Variants in GSTA5 observed in about 807,000 individuals in gnomAD.
The protein encoded by GSTA5 is glutathione S-transferase A5.
In GSTA5, 25 loss-of-function variants were observed where a neutral mutation model predicts 21.8. The observed-to-expected ratio is 1.14, with a 90% confidence interval of 0.83 to 1.60. The LOEUF is 1.60. Ranked by LOEUF, GSTA5 falls within the 40% of genes most tolerant of loss-of-function variation. The pLI is 0.00. For synonymous variants in GSTA5, 102 were observed against 89.5 expected, an observed-to-expected ratio of 1.14 and a Z score of -0.78; for missense variants, 330 against 259.2, an observed-to-expected ratio of 1.27 and a Z score of -1.88.
rs143932805 is a variant in GSTA5 at position 52,840,499 on chromosome 6, T to C, written c.87+228A>G. On this transcript the variant is annotated intron_variant, in intron 1 of 5. Transcript: ENST00000370989. ...TGTTTAAATTCTAATCCACTTAAGTTCTACACTTTTTGATTAGTTTCTTAA... is the reference window on the plus strand; with the variant it reads ...TGTTTAAATTCTAATCCACTTAAGTCCTACACTTTTTGATTAGTTTCTTAA... Among the ~76,000 whole-genome samples the C allele has an allele frequency of 4.4e-3, 675 of 152,366 alleles. 2 individuals are homozygous for C. The highest frequency in any genetic ancestry group is 0.014 in the Middle Eastern group (4 of 294).
At chr6:52,841,690 G>A (rs911955100), upstream of GSTA5, among the ~76,000 whole-genome samples, 2 of 152,166 alleles carry the variant, frequency 1.3e-5, no homozygotes, top group Non-Finnish European at 2.9e-5. Flanking sequence ...TCATACACTG[G>A]CCATTCTTCT....
chr6:52,838,770 C>T (rs1221866935), intron 1 of GSTA5, among the ~76,000 whole-genome samples: 1 of 152,162 alleles, frequency 6.6e-6, no homozygotes, highest in Admixed American at 6.5e-5. Context: ...TTGACTCTGC[C>T]TCAAAATAGC....
At chr6:52,834,506 G>T (rs985659049) in intron 3 of GSTA5, among the ~76,000 whole-genome samples, 4 of 152,026 alleles carry the variant, frequency 2.6e-5, no homozygotes, top group African/African-American at 9.7e-5. Flanking sequence ...AACCTATCAA[G>T]GTAGATAGAT....
intron 3 of GSTA5, among the ~76,000 whole-genome samples, chr6:52,834,932 A>G (rs1453099727): frequency 1.3e-5 from 2 of 152,276 alleles, no homozygotes; most frequent in Non-Finnish European, 2.9e-5. Flanking sequence ...TCTCTATACA[A>G]TTACAACCAG....
chr6:52,834,239 T>A (rs777933491), exon 4 of GSTA5: 2 of 1,613,938 alleles, frequency 1.2e-6, no homozygotes, highest in African/African-American at 1.3e-5. Context: ...AGAAGAAGGA[T>A]CATTTCAGTC....
intron 3 of GSTA5, among the ~76,000 whole-genome samples, chr6:52,835,037 C>T (rs977254112): frequency 6.6e-6 from 1 of 152,196 alleles, no homozygotes; most frequent in Non-Finnish European, 1.5e-5. Flanking sequence ...GTAATTGCAA[C>T]CTGTTAAATT....
At chr6:52,840,272 C>G (rs2127325134) in intron 1 of GSTA5, among the ~76,000 whole-genome samples, 1 of 152,274 alleles carries the variant, frequency 6.6e-6, no homozygotes, top group South Asian at 2.1e-4. Flanking sequence ...CCTACTTCTC[C>G]TTTTGTAATA....
In GSTA5 at chr6:52,832,012, G is replaced by A. The variant is rs139942301; in HGVS notation, c.547-42C>T. ...ACAGCCTCAGAGTGAAGCCAAGGCC[G>A]GCCACCATCATTAAGATGACCCAGG... is the stretch of plus-strand genomic sequence containing the variant. On this transcript the variant is annotated intron_variant, in intron 5 of 5. Transcript: ENST00000370989. The A allele has an allele frequency of 2.0e-3, 3,131 of 1,580,270 alleles. 48 individuals carry two copies. In the African/African-American group the frequency reaches 0.037, roughly 18 times the overall value.
chr6:52,841,373 G>A (rs1764375741), upstream of GSTA5, among the ~76,000 whole-genome samples: 1 of 152,198 alleles, frequency 6.6e-6, no homozygotes, highest in Non-Finnish European at 1.5e-5. Context: ...AAGGCCCTGG[G>A]AACCCATGAA....
At chr6:52,837,100 C>T (rs1764303572) in intron 2 of GSTA5, among the ~76,000 whole-genome samples, 2 of 152,212 alleles carry the variant, frequency 1.3e-5, no homozygotes, top group Middle Eastern at 6.8e-3. Flanking sequence ...TATAAGGGTC[C>T]CCTTTTCTGC....
chr6:52,844,268 T>G (rs1764423797), upstream of GSTA5, among the ~76,000 whole-genome samples: 1 of 152,160 alleles, frequency 6.6e-6, no homozygotes, highest in South Asian at 2.1e-4. Context: ...TCCTGTCTGA[T>G]TATGTTGTTT....
chr6:52,840,512 A>G (rs1471229659), intron 1 of GSTA5, among the ~76,000 whole-genome samples: 1 of 152,128 alleles, frequency 6.6e-6, no homozygotes, highest in Non-Finnish European at 1.5e-5. Context: ...ACACTTTTTG[A>G]TTAGTTTCTT....
At chr6:52,839,711 A>G (rs981263930) in intron 1 of GSTA5, among the ~76,000 whole-genome samples, 1 of 152,140 alleles carries the variant, frequency 6.6e-6, no homozygotes, top group African/African-American at 2.4e-5. Flanking sequence ...GCAGTCGCTG[A>G]AGGACTCTGG....
At chr6:52,836,795 A>G (rs1455345963) in intron 2 of GSTA5, among the ~76,000 whole-genome samples, 1 of 152,242 alleles carries the variant, frequency 6.6e-6, no homozygotes, top group Admixed American at 6.5e-5. Flanking sequence ...TACAGGTGTG[A>G]GCCACCATAC....
Position 52,836,235 on chromosome 6 carries a change from C to G in GSTA5, c.272+1G>C. 6.2e-7 allele frequency: 1 copy of G among 1,612,798 alleles called. No individual in the cohort carries two copies. Among genetic ancestry groups the G allele is most frequent in the South Asian group, 1.1e-5 (1 of 90,988 alleles). On this transcript the variant is annotated splice_donor_variant, in intron 3 of 5. Transcript: ENST00000370989. LOFTEE classifies it high-confidence loss of function. ...ATGGAAGAACAGAAAATATACCATA[C>G]AGGGCTCTCTCCTTCATGTCTTTCC...
exon 3 of GSTA5, chr6:52,836,331 C>G (rs200858662): frequency 6.2e-7 from 1 of 1,613,574 alleles, no homozygotes; most frequent in African/African-American, 1.3e-5. Context: ...TCCCGTCAAT[C>G]TCAACCATTG....
At chr6:52,841,267 GA>G (rs1296038540), upstream of GSTA5, among the ~76,000 whole-genome samples, 1 of 152,156 alleles carries the variant, frequency 6.6e-6, no homozygotes, top group Non-Finnish European at 1.5e-5. Context: ...GAACATCAGA[GA>G]AATACAATGT....
chr6:52,836,858 G>C (rs903519489), intron 2 of GSTA5, among the ~76,000 whole-genome samples: 5 of 152,128 alleles, frequency 3.3e-5, no homozygotes, highest in African/African-American at 1.2e-4. Context: ...TTTTTCTTAA[G>C]CAGCTTCCTT....
At chr6:52,843,242 T>C (rs957706666), upstream of GSTA5, among the ~76,000 whole-genome samples, 3 of 152,202 alleles carry the variant, frequency 2.0e-5, no homozygotes, top group African/African-American at 7.2e-5. Flanking sequence ...GGTAGAATGA[T>C]TTATAATCCT....
Sources: gnomAD v4.1 joint callset for allele counts (sites outside exome capture counted in the v4.1 genomes callset) on GRCh38, gnomAD v4.1.1 for gene constraint, MANE v1.5 for transcripts, NCBI Gene and HGNC (gene_info 2026-07-23, HGNC 2026-07-21) for gene names.